CERKL: variants seen among roughly 807,000 people sequenced by gnomAD.
The protein encoded by CERKL is ceramide kinase-like protein.
A neutral mutation model predicts 63.4 loss-of-function variants in CERKL; 61 were observed. The observed-to-expected ratio is 0.96, with a 90% CI of 0.78 to 1.19. The LOEUF (loss-of-function observed/expected upper bound fraction) is 1.19. CERKL is among the 50% of genes most tolerant of loss of function. The probability of loss-of-function intolerance (pLI) is 0.00; values close to 1 mark genes in which losing one functional copy is unlikely to be tolerated. For synonymous variants in CERKL, 250 were observed against 230.5 expected, an observed-to-expected ratio of 1.08 and a Z score of -0.77; for missense variants, 675 against 655.5, an observed-to-expected ratio of 1.03 and a Z score of -0.33.
intron 1 of CERKL, among the ~76,000 whole-genome samples, chr2:181,632,737 T>A (rs764122558): frequency 6.6e-6 from 1 of 152,110 alleles, no homozygotes; most frequent in Non-Finnish European, 1.5e-5. Flanking sequence ...TTTCCATGAA[T>A]CTCCTCCCTC....
In CERKL at chr2:181,644,819, T is replaced by G. The variant is rs532966243; in HGVS notation, c.238+11950A>C. The stretch of plus-strand genomic sequence containing the variant: ...TTTAATGAATGTAAACATGAATCAT[T>G]CAAATAAAAAAAAGCACAAAGGAAG... On this transcript the variant is annotated intron_variant, in intron 1 of 12. Coordinates refer to ENST00000410087, the MANE Select transcript of CERKL (RefSeq NM_201548.5). 4.2e-3 allele frequency among the ~76,000 whole-genome samples: 636 copies of G among 152,132 alleles called. 2 individuals are homozygous for G. The highest frequency in any genetic ancestry group is 0.015 in the African/African-American group (616 of 41,488).
At chr2:181,610,648 G>A (rs1222068447) in intron 1 of CERKL, among the ~76,000 whole-genome samples, 1 of 152,074 alleles carries the variant, frequency 6.6e-6, no homozygotes, top group Admixed American at 6.5e-5. Context: ...AGTAATCTGA[G>A]GGATCTGATC....
chr2:181,608,775 AAGG>A (rs1284184739), intron 1 of CERKL, among the ~76,000 whole-genome samples: 2 of 152,214 alleles, frequency 1.3e-5, no homozygotes, highest in African/African-American at 4.8e-5. Context: ...TTTAAGGGGA[AAGG>A]AGGAGTTGAA....
intron 1 of CERKL, chr2:181,617,514 T>G (rs564388520): frequency 6.6e-6 from 1 of 152,332 alleles, no homozygotes; most frequent in Admixed American, 6.5e-5. Context: ...AATTAAAATT[T>G]TGTAAAACTT....
chr2:181,540,573 G>T (rs894153546), intron 11 of CERKL, among the ~76,000 whole-genome samples: 8 of 152,130 alleles, frequency 5.3e-5, no homozygotes, highest in African/African-American at 1.7e-4. Context: ...GAGACTGGAG[G>T]GATGCAGCTG....
intron 10 of CERKL, 63 bp from the exon 11 acceptor site, chr2:181,544,859 GA>G: frequency 1.1e-6 from 1 of 920,908 alleles, no homozygotes; most frequent in Admixed American, 1.9e-5. Flanking sequence ...CAAAAATTAT[GA>G]CATACTGTTC....
Position 181,558,507 on chromosome 2 carries a change from A to G in CERKL, c.820+59T>C, listed in dbSNP as rs1463018573. The G allele has an allele frequency of 1.9e-6, 3 of 1,570,184 alleles. No individual in the cohort carries two copies. In the East Asian group the frequency reaches 6.7e-5, roughly 35 times the overall value. On this transcript the variant is annotated intron_variant, in intron 5 of 12. Transcript: ENST00000410087. This position sits in a 1 kb window ranked among gnomAD's most constrained non-coding sequence, Gnocchi z 4.2. ...CTGTGTTGTGCTGTCTAGATTAGCAAGTAAGAAAGGAAAAGAGGGAGAAGG... is the reference window on the plus strand; with the variant it reads ...CTGTGTTGTGCTGTCTAGATTAGCAGGTAAGAAAGGAAAAGAGGGAGAAGG...
At chr2:181,604,206 A>G in intron 1 of CERKL, 127 bp from the exon 2 acceptor site, 1 of 699,798 alleles carries the variant, frequency 1.4e-6, no homozygotes, top group Non-Finnish European at 2.4e-6. Context: ...ACTAATGGGT[A>G]CTGGGCTTAA....
chr2:181,625,951 C>T (rs946139753), intron 1 of CERKL, among the ~76,000 whole-genome samples: 4 of 152,132 alleles, frequency 2.6e-5, no homozygotes, highest in Non-Finnish European at 5.9e-5. Flanking sequence ...CTATGTAGTG[C>T]AAATAAGTTT....
rs150147580 is a variant in CERKL at position 181,549,205 on chromosome 2, T to C, written c.896-348A>G. On this transcript the variant is annotated intron_variant, in intron 6 of 12. Coordinates refer to ENST00000410087, the MANE Select transcript of CERKL (RefSeq NM_201548.5). ...CCTGAGCTTATATGCTTTTTACCAA[T>C]AGGGATAATAAAATATCTATAGACA... is the stretch of plus-strand genomic sequence containing the variant. 2.9e-3 allele frequency among the ~76,000 whole-genome samples: 446 copies of C among 152,292 alleles called. 1 individual carries two copies. Among genetic ancestry groups the C allele is most frequent in the Non-Finnish European group, 5.0e-3 (343 of 68,010 alleles).
In CERKL at chr2:181,550,290, C is replaced by A. The variant is rs1687929066; in HGVS notation, c.821-582G>T. On this transcript the variant is annotated intron_variant, in intron 5 of 12. Coordinates refer to ENST00000410087, the MANE Select transcript of CERKL (RefSeq NM_201548.5). This position sits in a 1 kb window ranked among gnomAD's most constrained non-coding sequence, Gnocchi z 4.5. ...GAAAATGTTTAATTCAATTGTATTTCCCATGTATGAAGATTTGTATTTGAA... is the reference window on the plus strand; with the variant it reads ...GAAAATGTTTAATTCAATTGTATTTACCATGTATGAAGATTTGTATTTGAA... Among the ~76,000 whole-genome samples, 1 of 152,100 alleles carries A rather than the reference C, an allele frequency of 6.6e-6. No homozygotes were observed. The highest frequency in any genetic ancestry group is 2.4e-5 in the African/African-American group (1 of 41,416).
chr2:181,562,312 G>A (rs1261798605), intron 4 of CERKL, among the ~76,000 whole-genome samples: 2 of 152,140 alleles, frequency 1.3e-5, no homozygotes, highest in African/African-American at 2.4e-5. Flanking sequence ...ATCGATTTAT[G>A]TCTTTGGCTA....
rs1336329891 is a variant in CERKL at position 181,558,428 on chromosome 2, A to G, written c.820+138T>C. 5.6e-6 allele frequency: 5 copies of G among 889,872 alleles called. No homozygotes were observed. Among genetic ancestry groups the G allele is most frequent in the Non-Finnish European group, 9.2e-6 (5 of 543,598 alleles). 55.1% of individuals were successfully genotyped at this position (889,872 alleles called of 1,614,324 possible). A position where few individuals can be genotyped will look rare whatever the true frequency, so the allele number is the denominator to read the frequency against. The stretch of plus-strand genomic sequence containing the variant: ...TTAAATGACTTGTCAAAAGTCTCAC[A>G]TTTGCTAGTGGGGATGCCAGAAGTC... On this transcript the variant is annotated intron_variant, in intron 5 of 12. Transcript: ENST00000410087. The surrounding 1 kb of genome is among the most constrained non-coding windows in gnomAD (Gnocchi z 4.2).
In CERKL at chr2:181,609,337, G is replaced by A. The variant is rs1574495229; in HGVS notation, c.239-5258C>T. On this transcript the variant is annotated intron_variant, in intron 1 of 12. Transcript: ENST00000410087. The stretch of plus-strand genomic sequence containing the variant: ...ATTTTTTGATGTAAGGAATGGACAA[G>A]GAATCTCATAAAATATTTGAAAATT... Among the ~76,000 whole-genome samples, 6 of 142,238 alleles carry A rather than the reference G, an allele frequency of 4.2e-5. 1 individual carries two copies. The highest frequency in any genetic ancestry group is 3.7e-4 in the Admixed American group (5 of 13,360). 93.3% of individuals were successfully genotyped at this position (142,238 alleles called of 152,430 possible).
chr2:181,657,088 C>T lies in CERKL; in HGVS notation c.-82G>A, dbSNP rs938552084. 2 of 1,295,436 alleles carry T rather than the reference C, an allele frequency of 1.5e-6. No individual in the cohort carries two copies. The highest frequency in any genetic ancestry group is 3.9e-5 in the Admixed American group (2 of 50,736). 80.2% of individuals were successfully genotyped at this position (1,295,436 alleles called of 1,614,324 possible). A position where few individuals can be genotyped will look rare whatever the true frequency, so the allele number is the denominator to read the frequency against. On this transcript the variant is annotated 5_prime_UTR_variant, in exon 1 of 13. Transcript: ENST00000410087. ...GGTGGAGGGCGCGGCAGCCCCAGCT[C>T]TAGCCGCGTCCAGCGCTGCCACAGC...
Position 181,597,328 on chromosome 2 carries a change from C to T in CERKL, c.481+6509G>A, listed in dbSNP as rs567675201. Among the ~76,000 whole-genome samples, 49 of 152,280 alleles carry T rather than the reference C, an allele frequency of 3.2e-4. 1 individual carries two copies. The Middle Eastern group carries it at 0.014, about 42-fold the overall frequency. On this transcript the variant is annotated intron_variant, in intron 2 of 12. Transcript: ENST00000410087. Reference sequence around the variant, plus strand: ...AATCCTTTAAAGACTTAACCAGTGCCACTAGTCTTTCAGAATTTAATACAA... The same window carrying T: ...AATCCTTTAAAGACTTAACCAGTGCTACTAGTCTTTCAGAATTTAATACAA...
Position 181,558,695 on chromosome 2 carries a change from C to G in CERKL, c.691G>C (p.Gly231Arg). Reference sequence around the variant, plus strand: ...ACTTCGCTAGCAGATCCATCTCCACCAACACAGACAACACTAGAAAAATAC... The same window carrying G: ...ACTTCGCTAGCAGATCCATCTCCACGAACACAGACAACACTAGAAAAATAC... Reference protein sequence around the residue: ...LQGFDGVVCVGGDGSASEVAH... With the variant: ...LQGFDGVVCVRGDGSASEVAH... The change falls in exon 5 of 13, where the codon GGT (glycine) becomes CGT (arginine). Residue 231 changes from glycine to arginine, a missense_variant. Transcript: ENST00000410087. This position sits in a 1 kb window ranked among gnomAD's most constrained non-coding sequence, Gnocchi z 4.2. 1 of 1,613,454 alleles carries G rather than the reference C, an allele frequency of 6.2e-7. No individual in the cohort carries two copies. Among genetic ancestry groups the G allele is most frequent in the Middle Eastern group, 1.7e-4 (1 of 6,056 alleles).
At chr2:181,619,802 A>C (rs1419754719) in intron 1 of CERKL, among the ~76,000 whole-genome samples, 1 of 152,174 alleles carries the variant, frequency 6.6e-6, no homozygotes, top group Non-Finnish European at 1.5e-5. Context: ...TTGACATTTA[A>C]TCGCATATCA....
intron 1 of CERKL, among the ~76,000 whole-genome samples, chr2:181,652,650 G>A (rs1351751144): frequency 1.3e-5 from 2 of 152,060 alleles, no homozygotes; most frequent in African/African-American, 4.8e-5. Context: ...TTTGCACCTT[G>A]AAGAAAACTA....
Sources: gnomAD v4.1 joint callset for allele counts (sites outside exome capture counted in the v4.1 genomes callset) on GRCh38, gnomAD v4.1.1 for gene constraint, Gnocchi (gnomAD v3.1) non-coding constraint, MANE v1.5 for transcripts, NCBI Gene and HGNC (gene_info 2026-07-23, HGNC 2026-07-21) for gene names.